The following CYTH3 variants were observed in gnomAD, a reference collection of about 807,000 sequenced individuals.
CYTH3 encodes cytohesin 3.
In CYTH3, 23 loss-of-function variants were observed where a neutral mutation model predicts 55.1. The ratio of observed to expected loss-of-function variants is 0.42; its 90% CI spans 0.30 to 0.59. The LOEUF (loss-of-function observed/expected upper bound fraction) is 0.59. Among genes scored for constraint, CYTH3 ranks in the 20% least tolerant of loss-of-function variants. CYTH3 has a pLI of 0.20. For missense variants in CYTH3, 413 were observed against 524.8 expected (o/e 0.79, Z 2.08); for synonymous variants, 249 against 194.9 (o/e 1.28, Z -2.31).
intron 9 of CYTH3, 114 bp from the exon 10 acceptor site, chr7:6,165,924 C>G (rs1004573495): frequency 9.5e-7 from 1 of 1,053,506 alleles, no homozygotes; most frequent in Admixed American, 2.1e-5. Context: ...CCACCAGGCG[C>G]CAGGCTTGGG....
intron 1 of CYTH3, among the ~76,000 whole-genome samples, chr7:6,223,368 C>T (rs1177136350): frequency 1.3e-5 from 2 of 152,050 alleles, no homozygotes; most frequent in Non-Finnish European, 2.9e-5. Flanking sequence ...GCCATGATGA[C>T]GATGGCGGTT....
intron 1 of CYTH3, among the ~76,000 whole-genome samples, chr7:6,237,274 G>C (rs1224101202): frequency 3.3e-5 from 5 of 152,166 alleles, no homozygotes; most frequent in African/African-American, 1.2e-4. Flanking sequence ...AGTTGCCTGG[G>C]GAACAGTCTG....
chr7:6,234,422 G>C (rs562096884), intron 1 of CYTH3, among the ~76,000 whole-genome samples: 2 of 152,292 alleles, frequency 1.3e-5, no homozygotes, highest in Admixed American at 6.5e-5. Flanking sequence ...GAAAAGGAGA[G>C]GCCCTCATTC....
At chr7:6,191,949 C>CA (rs1179495911) in intron 1 of CYTH3, among the ~76,000 whole-genome samples, 1 of 151,876 alleles carries the variant, frequency 6.6e-6, no homozygotes, top group African/African-American at 2.4e-5. Flanking sequence ...CATGGTGGTG[C>CA]ATGCCTGTGG....
Position 6,272,564 on chromosome 7 carries a change from C to T in CYTH3, c.-57G>A, listed in dbSNP as rs1455125767. On this transcript the variant is annotated 5_prime_UTR_variant, in exon 1 of 13. Transcript: ENST00000350796. ...GGGCCGGCAGCAGAGGGGCCGCGGG[C>T]TGGGGACGCCGCCGGAGGGAGCGCG... is the stretch of plus-strand genomic sequence containing the variant. 1.7e-6 allele frequency: 2 copies of T among 1,172,418 alleles called. No homozygotes were observed. Among genetic ancestry groups the T allele is most frequent in the Non-Finnish European group, 1.1e-6 (1 of 943,638 alleles). The allele number at this position is 1,172,418 out of a possible 1,614,324, so 72.6% of individuals were successfully genotyped here.
chr7:6,265,885 A>G (rs546060169), intron 1 of CYTH3, among the ~76,000 whole-genome samples: 1 of 152,206 alleles, frequency 6.6e-6, no homozygotes, highest in Admixed American at 6.5e-5. Flanking sequence ...CAACTGGAAG[A>G]ACACCACAAT....
chr7:6,208,058 C>CT, intron 1 of CYTH3, among the ~76,000 whole-genome samples: 1 of 152,304 alleles, frequency 6.6e-6, no homozygotes, highest in South Asian at 2.1e-4. Flanking sequence ...AAGACTCCTT[C>CT]TACCTTAGGT....
chr7:6,260,822 G>A (rs938069487), intron 1 of CYTH3, among the ~76,000 whole-genome samples: 3 of 151,920 alleles, frequency 2.0e-5, no homozygotes, highest in South Asian at 2.1e-4. Flanking sequence ...TCTTCCACCC[G>A]CATGAATTAA....
chr7:6,171,379 G>GCC lies in CYTH3; in HGVS notation c.450-66_450-65insGG. On this transcript the variant is annotated intron_variant, in intron 6 of 12. Transcript: ENST00000350796. This position sits in a 1 kb window ranked among gnomAD's most constrained non-coding sequence, Gnocchi z 6.7. ...CAACACCGCCTCACGGCCAAGGGCG[G>GCC]CTTCTGCCCAGCTCAGGAAGGACGT... The GCC allele has an allele frequency of 1.3e-6, 2 of 1,506,286 alleles. No homozygotes were observed. Among genetic ancestry groups the GCC allele is most frequent in the Non-Finnish European group, 1.8e-6 (2 of 1,085,832 alleles). 93.3% of individuals were successfully genotyped at this position (1,506,286 alleles called of 1,614,324 possible). A position where few individuals can be genotyped will look rare whatever the true frequency, so the allele number is the denominator to read the frequency against.
rs1235770512 is a variant in CYTH3 at position 6,167,091 on chromosome 7, C to G, written c.824-1281G>C. ...CCGTCACTGGAACCCTCTGCCCCAA[C>G]TGTGGCACCGCCTCACTGGTCCCCT... On this transcript the variant is annotated intron_variant, in intron 9 of 12. Coordinates refer to ENST00000350796, the MANE Select transcript of CYTH3 (RefSeq NM_004227.4). This position sits in a 1 kb window ranked among gnomAD's most constrained non-coding sequence, Gnocchi z 5.5. Among the ~76,000 whole-genome samples, 2 of 152,216 alleles carry G rather than the reference C, an allele frequency of 1.3e-5. No homozygotes were observed. Among genetic ancestry groups the G allele is most frequent in the South Asian group, 2.1e-4 (1 of 4,832 alleles).
At position 6,190,535 on chromosome 7, in the gene CYTH3, A is replaced by C; in HGVS notation, c.35-4T>G. On this transcript the variant is annotated splice_region_variant and splice_polypyrimidine_tract_variant and intron_variant, in intron 1 of 12. Coordinates refer to ENST00000350796, the MANE Select transcript of CYTH3 (RefSeq NM_004227.4). The stretch of plus-strand genomic sequence containing the variant: ...TCTAATGAGAGGTCTTCAGGCACTG[A>C]AAGAAGAAAAAAATAATTAACTACT... 2 of 1,502,702 alleles carry C rather than the reference A, an allele frequency of 1.3e-6. No individual in the cohort carries two copies. The highest frequency in any genetic ancestry group is 1.7e-4 in the Middle Eastern group (1 of 5,804). 93.1% of individuals were successfully genotyped at this position (1,502,702 alleles called of 1,614,324 possible). A position where few individuals can be genotyped will look rare whatever the true frequency, so the allele number is the denominator to read the frequency against.
chr7:6,189,769 GC>G (rs1783751472), intron 2 of CYTH3, among the ~76,000 whole-genome samples: 1 of 151,980 alleles, frequency 6.6e-6, no homozygotes, highest in Non-Finnish European at 1.5e-5. Flanking sequence ...GGGCGCAGTG[GC>G]TCACGTCTGT....
rs142017863 is a variant in CYTH3 at position 6,200,557 on chromosome 7, T to G, written c.35-10026A>C. Among the ~76,000 whole-genome samples the G allele has an allele frequency of 7.6e-4, 116 of 152,358 alleles. 3 individuals carry two copies. In the East Asian group the frequency reaches 0.011, roughly 15 times the overall value. On this transcript the variant is annotated intron_variant, in intron 1 of 12. Coordinates refer to ENST00000350796, the MANE Select transcript of CYTH3 (RefSeq NM_004227.4). ...GTTTACCTTTATTACTAATCAATAC[T>G]AATTTTTGTTGTGATATGGAGCTTT...
intron 1 of CYTH3, among the ~76,000 whole-genome samples, chr7:6,209,007 T>C (rs993438437): frequency 2.0e-5 from 3 of 152,216 alleles, no homozygotes; most frequent in Admixed American, 1.3e-4. Context: ...AATGACTTTG[T>C]TGAACAGGGA....
At chr7:6,253,767 G>T (rs1398548359) in intron 1 of CYTH3, among the ~76,000 whole-genome samples, 1 of 152,032 alleles carries the variant, frequency 6.6e-6, no homozygotes, top group Admixed American at 6.6e-5. Context: ...AGTGAGCCGA[G>T]ATCATGAGAC....
intron 1 of CYTH3, among the ~76,000 whole-genome samples, chr7:6,203,541 T>C (rs1784109464): frequency 6.6e-6 from 1 of 152,094 alleles, no homozygotes; most frequent in Non-Finnish European, 1.5e-5. Context: ...TAGAAAAAAA[T>C]CCGGGAGACA....
intron 1 of CYTH3, among the ~76,000 whole-genome samples, chr7:6,209,849 G>C (rs1784284109): frequency 6.6e-6 from 1 of 152,156 alleles, no homozygotes; most frequent in South Asian, 2.1e-4. Context: ...AGTGAAAGAA[G>C]CCAATATGAA....
chr7:6,238,291 C>T (rs1328469150), intron 1 of CYTH3, among the ~76,000 whole-genome samples: 1 of 152,050 alleles, frequency 6.6e-6, no homozygotes, highest in Non-Finnish European at 1.5e-5. Context: ...AAAGAAACAA[C>T]CTTGAAGCAC....
At chr7:6,267,298 G>C (rs1032027250) in intron 1 of CYTH3, among the ~76,000 whole-genome samples, 2 of 152,184 alleles carry the variant, frequency 1.3e-5, no homozygotes, top group Admixed American at 1.3e-4. Flanking sequence ...AAAACGGCAT[G>C]ACACAGGCAC....
Sources: allele counts gnomAD v4.1 joint callset (sites outside exome capture counted in the v4.1 genomes callset), GRCh38; gene constraint gnomAD v4.1.1; non-coding constraint Gnocchi (gnomAD v3.1); transcripts MANE v1.5; gene names NCBI Gene and HGNC (gene_info 2026-07-23, HGNC 2026-07-21).